Variants in DYNC2I2 observed in about 807,000 individuals in gnomAD.
The protein encoded by DYNC2I2 is dynein 2 intermediate chain 2.
DYNC2I2 carries 39 observed loss-of-function variants against 52.0 expected under a neutral mutation model. That is an observed-to-expected ratio of 0.75 (90% CI 0.58 to 0.98). DYNC2I2 has a LOEUF of 0.98. DYNC2I2 is among the 50% of genes least tolerant of loss of function. The pLI is 0.00. For missense variants in DYNC2I2, 743 were observed against 728.4 expected, an observed-to-expected ratio of 1.02 and a Z score of -0.23; for synonymous variants, 359 against 321.1, an observed-to-expected ratio of 1.12 and a Z score of -1.26.
chr9:128,659,976 G>A (rs1004330034), upstream of DYNC2I2, among the ~76,000 whole-genome samples: 1 of 151,234 alleles, frequency 6.6e-6, no homozygotes, highest in African/African-American at 2.4e-5. Flanking sequence ...GGCTTAGTTG[G>A]GAGGATCGCT....
upstream of DYNC2I2, among the ~76,000 whole-genome samples, chr9:128,661,532 C>G (rs377172622): frequency 1.3e-5 from 2 of 152,050 alleles, no homozygotes. Context: ...GCAGGAGAAT[C>G]GCTTGAACCC....
At chr9:128,652,796 G>T (rs942917885) in intron 1 of DYNC2I2, among the ~76,000 whole-genome samples, 1 of 149,770 alleles carries the variant, frequency 6.7e-6, no homozygotes, top group Admixed American at 6.7e-5. Flanking sequence ...GCACATGCCT[G>T]TAATTCCAGC....
intron 1 of DYNC2I2, 73 bp from the exon 2 acceptor site, chr9:128,641,012 C>T: frequency 6.7e-7 from 1 of 1,492,264 alleles, no homozygotes; most frequent in Non-Finnish European, 8.9e-7. Flanking sequence ...CCCTGCCTGC[C>T]CCTCCTGCTT....
chr9:128,668,251 G>A, the DYNC2I2 span, among the ~76,000 whole-genome samples: 4,091 of 137,906 alleles, frequency 0.03, 147 homozygotes, highest in African/African-American at 0.089. Context: ...GAGCCACCAC[G>A]CCCGGCCAGT....
rs761754681 is a variant in DYNC2I2 at position 128,635,167 on chromosome 9, C to A, written c.906G>T (p.Gly302=). 2.5e-6 allele frequency: 4 copies of A among 1,613,494 alleles called. No individual in the cohort carries two copies. The highest frequency in any genetic ancestry group is 2.2e-5 in the South Asian group (2 of 91,090). ...DGKVLLWQGI[G]VGQLQLTEGF... ...CCTCTGTGAGCTGCAGCTGGCCTAC[C>A]CCGATGCCCTGCCAGAGTAGCACCT... The change falls in exon 6 of 9, where the codon GGG becomes GGT. Residue 302 remains glycine, a synonymous_variant. Transcript: ENST00000372715.
chr9:128,653,081 T>C (rs1444698665), intron 1 of DYNC2I2, among the ~76,000 whole-genome samples: 42 of 146,082 alleles, frequency 2.9e-4, no homozygotes, highest in Admixed American at 2.8e-3. Context: ...ACACAAAAAT[T>C]AGCCCAATGT....
chr9:128,672,260 G>A, the DYNC2I2 span, among the ~76,000 whole-genome samples: 1 of 151,846 alleles, frequency 6.6e-6, no homozygotes, highest in South Asian at 2.1e-4. Flanking sequence ...GTGAGCCACC[G>A]CGCCCGGCCA....
the DYNC2I2 span, among the ~76,000 whole-genome samples, chr9:128,669,776 T>C: frequency 6.6e-6 from 1 of 152,134 alleles, no homozygotes; most frequent in Non-Finnish European, 1.5e-5. Context: ...CCCCCCAGGT[T>C]CAAGGGATTC....
chr9:128,658,193 T>A (rs1802951966), upstream of DYNC2I2, among the ~76,000 whole-genome samples: 1 of 147,534 alleles, frequency 6.8e-6, no homozygotes, highest in Non-Finnish European at 1.5e-5. Flanking sequence ...TAAGACAGAG[T>A]CTCACTCTGT....
At chr9:128,649,415 G>A (rs1320446605) in intron 1 of DYNC2I2, among the ~76,000 whole-genome samples, 2 of 152,030 alleles carry the variant, frequency 1.3e-5, no homozygotes, top group African/African-American at 2.4e-5. Flanking sequence ...TGCATTCCAG[G>A]CTGGGAGACA....
rs1180727394 is a variant in DYNC2I2, at chr9:128,634,935, G to A, written c.982-14C>T. ...CCCGCGGGGATGCTGTGGAGAAATGGCAGCAGCAGGGTCAGAGCCAAGGGC... is the reference window on the plus strand; with the variant it reads ...CCCGCGGGGATGCTGTGGAGAAATGACAGCAGCAGGGTCAGAGCCAAGGGC... On this transcript the variant is annotated splice_polypyrimidine_tract_variant and intron_variant, in intron 6 of 8. Transcript: ENST00000372715. 1.1e-5 allele frequency: 18 copies of A among 1,610,654 alleles called. No individual in the cohort carries two copies. Among genetic ancestry groups the A allele is most frequent in the Non-Finnish European group, 1.4e-5 (17 of 1,178,882 alleles).
At chr9:128,680,067 CTTTTT>C in the DYNC2I2 span, among the ~76,000 whole-genome samples, 3 of 147,564 alleles carry the variant, frequency 2.0e-5, no homozygotes, top group Non-Finnish European at 3.0e-5. Flanking sequence ...TTTCTCTTTT[CTTTTT>C]TTTTTGAGAC....
chr9:128,640,967 C>T, intron 1 of DYNC2I2, 28 bp from the exon 2 acceptor site: 1 of 1,560,292 alleles, frequency 6.4e-7, no homozygotes, highest in Non-Finnish European at 8.7e-7. Flanking sequence ...ACAAGTGTCA[C>T]CACCCAGCTG....
At chr9:128,662,112 A>C in the DYNC2I2 span, among the ~76,000 whole-genome samples, 3 of 151,454 alleles carry the variant, frequency 2.0e-5, no homozygotes, top group Admixed American at 2.0e-4. Context: ...ATGTGCCTGT[A>C]GTCCCAGCTA....
At chr9:128,659,865 G>A (rs1016237582), upstream of DYNC2I2, among the ~76,000 whole-genome samples, 6 of 150,424 alleles carry the variant, frequency 4.0e-5, no homozygotes, top group South Asian at 2.1e-4. Context: ...GCAAGATGGC[G>A]CCATTGCACT....
chr9:128,639,883 C>G (rs1382088415), intron 2 of DYNC2I2, among the ~76,000 whole-genome samples: 1 of 152,024 alleles, frequency 6.6e-6, no homozygotes, highest in African/African-American at 2.4e-5. Flanking sequence ...CCAGGCTGGT[C>G]TCGAACTGCC....
chr9:128,634,021 T>C, intron 8 of DYNC2I2, 39 bp from the exon 9 acceptor site: 1 of 1,606,764 alleles, frequency 6.2e-7, no homozygotes, highest in Non-Finnish European at 8.5e-7. Context: ...AGAGAAACTC[T>C]AGAGACCAAC....
the DYNC2I2 span, among the ~76,000 whole-genome samples, chr9:128,676,506 G>A: frequency 2.7e-5 from 4 of 149,504 alleles, no homozygotes; most frequent in Non-Finnish European, 4.4e-5. Context: ...CAAACAAACA[G>A]GAAAAGTGAG....
chr9:128,633,885 G>C lies in DYNC2I2; in HGVS notation c.1470C>G (p.Phe490Leu). The C allele has an allele frequency of 6.2e-7, 1 of 1,613,486 alleles. No homozygotes were observed. The highest frequency in any genetic ancestry group is 8.5e-7 in the Non-Finnish European group (1 of 1,180,046). Residue 490 changes from phenylalanine to leucine, a missense_variant, in exon 9 of 9, where the codon TTC (phenylalanine) becomes TTG (leucine). Transcript: ENST00000372715. ...QDESPVYCLE[F>L]NSQQTQLLAA... The stretch of plus-strand genomic sequence containing the variant: ...CCAAGAGCTGAGTCTGCTGGCTGTT[G>C]AACTCCAGACAGTAGACAGGGCTTT...
Sources: allele counts gnomAD v4.1 joint callset (sites outside exome capture counted in the v4.1 genomes callset), GRCh38; gene constraint gnomAD v4.1.1; transcripts MANE v1.5; gene names NCBI Gene and HGNC (gene_info 2026-07-23, HGNC 2026-07-21).